Variants in PEPD observed in about 807,000 individuals in gnomAD.
PEPD encodes xaa-Pro dipeptidase.
A neutral mutation model predicts 60.7 loss-of-function variants in PEPD; 53 were observed. The observed-to-expected ratio is 0.87, with a 90% CI of 0.70 to 1.10. The LOEUF (loss-of-function observed/expected upper bound fraction) is 1.10, where lower values mean the gene tolerates loss of function less well. PEPD is among the 50% of genes least tolerant of loss of function. PEPD has a pLI of 0.00. For synonymous variants in PEPD, 267 were observed against 284.1 expected (o/e 0.94, Z 0.60); for missense variants, 711 against 711.9 (o/e 1.00, Z 0.01).
intron 2 of PEPD, chr19:33,511,446 G>A (rs940157043): frequency 1.2e-5 from 5 of 414,976 alleles, no homozygotes; most frequent in African/African-American, 6.1e-5. Flanking sequence ...ACAACAGGGC[G>A]TCCAGCAGCA....
At chr19:33,459,117 C>T (rs966442151) in intron 9 of PEPD, among the ~76,000 whole-genome samples, 5 of 152,002 alleles carry the variant, frequency 3.3e-5, no homozygotes, top group Admixed American at 6.5e-5. Context: ...GTGGCAGGAG[C>T]GCCCAGAAAA....
At chr19:33,511,491 G>T (rs1018758632) in intron 2 of PEPD, 1 of 367,270 alleles carries the variant, frequency 2.7e-6, no homozygotes, top group Non-Finnish European at 5.3e-6. Context: ...TCTCTGCCAC[G>T]TGCAGGCAGG....
At chr19:33,493,194 C>A in intron 5 of PEPD, 96 bp downstream of exon 5, 1 of 880,884 alleles carries the variant, frequency 1.1e-6, no homozygotes. Flanking sequence ...TTTTTTAATC[C>A]TCCCCTATGG....
intron 9 of PEPD, among the ~76,000 whole-genome samples, chr19:33,422,839 C>T (rs67527887): frequency 1.7e-3 from 68 of 39,796 alleles, no homozygotes; most frequent in East Asian, 4.1e-3. Flanking sequence ...TCTATCTATC[C>T]ATCTATCCAT....
chr19:33,416,697 G>A (rs148802758), intron 9 of PEPD, among the ~76,000 whole-genome samples: 2 of 152,298 alleles, frequency 1.3e-5, no homozygotes, highest in East Asian at 1.9e-4. Context: ...TGTGGGCCCC[G>A]TTGTTTTTCC....
rs121917724 is a variant in PEPD at position 33,387,892 on chromosome 19, C to T, written c.1342G>A (p.Gly448Arg). 57 of 1,564,210 alleles carry T rather than the reference C, an allele frequency of 3.6e-5. No individual in the cohort carries two copies. The highest frequency in any genetic ancestry group is 4.6e-5 in the Non-Finnish European group (53 of 1,154,918). Residue 448 changes from glycine (G) to arginine (R), a missense_variant and splice_region_variant, in exon 14 of 15, where the codon GGG becomes AGG. Physicochemically the swap from Gly to Arg is moderately radical, Grantham distance 125. Transcript: ENST00000244137. Reference sequence around the variant, plus strand: ...GAATGGGGCCCGTGGGCACTCACCCCGCCAAAACCGCGAAAGCGCTGCAGG... The same window carrying T: ...GAATGGGGCCCGTGGGCACTCACCCTGCCAAAACCGCGAAAGCGCTGCAGG... ...EVLQRFRGFG[G>R]VRIEEDVVVT...
At chr19:33,401,441 C>A (rs1378517117) in intron 12 of PEPD, among the ~76,000 whole-genome samples, 1 of 152,194 alleles carries the variant, frequency 6.6e-6, no homozygotes, top group East Asian at 1.9e-4. Context: ...GGCTGGCGTG[C>A]TAGTGGCCAG....
At chr19:33,488,801 C>A (rs1970443337) in intron 6 of PEPD, among the ~76,000 whole-genome samples, 1 of 152,140 alleles carries the variant, frequency 6.6e-6, no homozygotes, top group Admixed American at 6.5e-5. Context: ...GCAGCTTGGG[C>A]TCATACATAA....
chr19:33,511,490 C>T (rs1008720961), intron 2 of PEPD: 11 of 367,916 alleles, frequency 3.0e-5, no homozygotes, highest in South Asian at 6.7e-5. Context: ...CTCTCTGCCA[C>T]GTGCAGGCAG....
Position 33,413,662 on chromosome 19 carries a change from G to C in PEPD, c.672-19C>G, listed in dbSNP as rs771420750. On this transcript the variant is annotated intron_variant, in intron 9 of 14. Coordinates refer to ENST00000244137, the MANE Select transcript of PEPD (RefSeq NM_000285.4). ...GAAGAGGCTGCAGGGGGAGAGACGC[G>C]TCAGGGTTGGGGCACTAGAGCAGGC... 3.3e-6 allele frequency: 5 copies of C among 1,533,938 alleles called. No individual in the cohort carries two copies. The Admixed American group carries it at 9.2e-5, about 28-fold the overall frequency.
chr19:33,453,637 A>G (rs1358291327), intron 9 of PEPD, among the ~76,000 whole-genome samples: 8 of 152,270 alleles, frequency 5.3e-5, no homozygotes, highest in African/African-American at 1.4e-4. Context: ...TACTGCAAAC[A>G]TAACTTTTAT....
chr19:33,388,014 A>T lies in PEPD; in HGVS notation c.1220T>A (p.Met407Lys), dbSNP rs760080753. The change falls in exon 14 of 15, where the codon ATG becomes AAG. Residue 407 changes from methionine to lysine, a missense_variant. By Grantham distance (95) the Met-to-Lys change is moderately conservative. Transcript: ENST00000244137. ...LRTARHLQPG[M>K]VLTVEPGIYF... ...GATGCCCGGCTCCACGGTGAGCACC[A>T]TGCCTGGCTGCAGGTGCCGTGCAGT... is the stretch of plus-strand genomic sequence containing the variant. 1 of 1,571,246 alleles carries T rather than the reference A, an allele frequency of 6.4e-7. No homozygotes were observed. The highest frequency in any genetic ancestry group is 8.6e-7 in the Non-Finnish European group (1 of 1,158,456).
intron 8 of PEPD, among the ~76,000 whole-genome samples, chr19:33,463,623 G>T (rs1969969245): frequency 6.6e-6 from 1 of 152,230 alleles, no homozygotes; most frequent in Non-Finnish European, 1.5e-5. Context: ...TAATCAGTGT[G>T]TTTGAACCAC....
intron 6 of PEPD, among the ~76,000 whole-genome samples, chr19:33,480,813 CGTGTGT>C (rs67751032): frequency 2.3e-3 from 290 of 127,832 alleles, no homozygotes; most frequent in African/African-American, 9.0e-3. Context: ...ATATATATAG[CGTGTGT>C]GTGTGTGTGT....
chr19:33,445,429 C>T (rs984371250), intron 9 of PEPD, among the ~76,000 whole-genome samples: 1 of 152,220 alleles, frequency 6.6e-6, no homozygotes, highest in South Asian at 2.1e-4. Context: ...TTAGGCTAAA[C>T]TGAGGACATT....
At chr19:33,508,485 T>G (rs1970856462) in intron 3 of PEPD, among the ~76,000 whole-genome samples, 1 of 152,236 alleles carries the variant, frequency 6.6e-6, no homozygotes, top group Non-Finnish European at 1.5e-5. Context: ...ATCATGTTCA[T>G]GGACTCTGAA....
At chr19:33,489,898 G>A in intron 6 of PEPD, 98 bp downstream of exon 6, 2 of 747,408 alleles carry the variant, frequency 2.7e-6, no homozygotes, top group Non-Finnish European at 4.7e-6. Flanking sequence ...AAAGAAGTTT[G>A]CATAGTTCAT....
intron 12 of PEPD, among the ~76,000 whole-genome samples, chr19:33,396,606 G>C (rs1285239209): frequency 6.6e-6 from 1 of 150,664 alleles, no homozygotes; most frequent in African/African-American, 2.4e-5. Context: ...GGCCACCATT[G>C]CTGTTCCAGG....
intron 5 of PEPD, among the ~76,000 whole-genome samples, chr19:33,492,036 T>C (rs567349175): frequency 6.6e-5 from 9 of 136,178 alleles, no homozygotes; most frequent in African/African-American, 2.5e-4. Context: ...CTTTTTATAT[T>C]CCATTTCAAA....
Sources: allele counts gnomAD v4.1 joint callset (sites outside exome capture counted in the v4.1 genomes callset), GRCh38; gene constraint gnomAD v4.1.1; transcripts MANE v1.5; gene names NCBI Gene and HGNC (gene_info 2026-07-23, HGNC 2026-07-21).